The following PTER variants were observed in gnomAD, a reference collection of about 807,000 sequenced individuals.
PTER encodes phosphotriesterase related.
Under a neutral mutation model 29.6 loss-of-function variants are expected in PTER, and 38 were observed. That is an observed-to-expected ratio of 1.28 (90% CI 0.99 to 1.68). The LOEUF (loss-of-function observed/expected upper bound fraction) is 1.68, where lower values mean the gene tolerates loss of function less well. Among genes scored for constraint, PTER ranks in the 40% most tolerant of loss-of-function variants. The probability of loss-of-function intolerance (pLI) is 0.00; values close to 1 mark genes in which losing one functional copy is unlikely to be tolerated. For synonymous variants in PTER, 172 were observed against 154.5 expected (o/e 1.11, Z -0.84); for missense variants, 482 against 427.8 (o/e 1.13, Z -1.12).
At chr10:16,469,241 G>A (rs561326069) in intron 1 of PTER, among the ~76,000 whole-genome samples, 4 of 152,250 alleles carry the variant, frequency 2.6e-5, no homozygotes, top group African/African-American at 4.8e-5. Flanking sequence ...GAGACCTTGC[G>A]ACAGGGGAGA....
chr10:16,484,897 G>T (rs1171707881), intron 2 of PTER, 81 bp downstream of exon 2: 1 of 1,427,620 alleles, frequency 7.0e-7, no homozygotes, highest in East Asian at 2.4e-5. Flanking sequence ...GGGTTCAGAG[G>T]TAGCTGGGCA....
chr10:16,475,607 G>A (rs1323830431), intron 1 of PTER, among the ~76,000 whole-genome samples: 1 of 152,186 alleles, frequency 6.6e-6, no homozygotes, highest in Non-Finnish European at 1.5e-5. Flanking sequence ...GTACAGGGTA[G>A]AAGGGGGCTA....
chr10:16,483,613 C>T (rs749885877), intron 1 of PTER, among the ~76,000 whole-genome samples: 7 of 152,034 alleles, frequency 4.6e-5, no homozygotes, highest in Non-Finnish European at 1.0e-4. Context: ...TTTGGGAGGC[C>T]GAGGCAGGCA....
At chr10:16,514,199 A>C, downstream of PTER, 1 of 398,604 alleles carries the variant, frequency 2.5e-6, no homozygotes. Flanking sequence ...CAGTACACCA[A>C]AGTATCATAT....
rs569612524 is a variant in PTER at position 16,475,764 on chromosome 10, C to T, written c.-48-8573C>T. On this transcript the variant is annotated intron_variant, in intron 1 of 4. Transcript: ENST00000535784. ...TGTAGCTGTAGTCACTTTGGTGCAT[C>T]GTTTCCAAAAACCTAATGAGTTGTG... Among the ~76,000 whole-genome samples the T allele has an allele frequency of 2.0e-5, 3 of 152,290 alleles. No homozygotes were observed. The South Asian group carries it at 6.2e-4, about 32-fold the overall frequency.
At chr10:16,460,711 G>A (rs1038247901) in intron 1 of PTER, among the ~76,000 whole-genome samples, 1 of 152,062 alleles carries the variant, frequency 6.6e-6, no homozygotes, top group Non-Finnish European at 1.5e-5. Flanking sequence ...TAAAGTTGCA[G>A]ATATAAGTCT....
intron 1 of PTER, among the ~76,000 whole-genome samples, chr10:16,482,966 G>A (rs184799189): frequency 1.2e-4 from 19 of 152,182 alleles, no homozygotes; most frequent in African/African-American, 4.3e-4. Flanking sequence ...ATTTTTAGTA[G>A]AGACGGGTTT....
rs72001271 is a variant in PTER at position 16,473,519 on chromosome 10, G to GAAAAAAAAAA, written c.-48-10799_-48-10790dup. Among the ~76,000 whole-genome samples, 29 of 28,168 alleles carry GAAAAAAAAAA rather than the reference G, an allele frequency of 1.0e-3. 4 individuals carry two copies. In the South Asian group the frequency reaches 0.012, roughly 11 times the overall value. The allele number at this position is 28,168 out of a possible 152,430, so 18.5% of individuals were successfully genotyped here. A position where few individuals can be genotyped will look rare whatever the true frequency, so the allele number is the denominator to read the frequency against. On this transcript the variant is annotated intron_variant, in intron 1 of 4. Transcript: ENST00000535784. ...TGGGTGATAGAGTGAGACTCCATCC[G>GAAAAAAAAAA]AAAAAAAAAAAAAAAAAAAAAAAAA... is the stretch of plus-strand genomic sequence containing the variant.
At chr10:16,437,888 T>G (rs1833707338) in intron 1 of PTER, among the ~76,000 whole-genome samples, 1 of 152,212 alleles carries the variant, frequency 6.6e-6, no homozygotes, top group Non-Finnish European at 1.5e-5. Flanking sequence ...CAACAGGAAC[T>G]AAAGGTATAC....
chr10:16,442,055 A>G (rs904145604), intron 1 of PTER, among the ~76,000 whole-genome samples: 19 of 152,136 alleles, frequency 1.2e-4, no homozygotes, highest in African/African-American at 4.3e-4. Flanking sequence ...TAATTGGGTA[A>G]TTATTTGGTG....
At chr10:16,453,654 C>T (rs1206043988) in intron 1 of PTER, among the ~76,000 whole-genome samples, 1 of 152,122 alleles carries the variant, frequency 6.6e-6, no homozygotes, top group Non-Finnish European at 1.5e-5. Flanking sequence ...AAAGTAAATA[C>T]TGGAATATGG....
intron 1 of PTER, among the ~76,000 whole-genome samples, chr10:16,482,537 A>G (rs1307092420): frequency 2.0e-5 from 3 of 152,166 alleles, no homozygotes; most frequent in Admixed American, 1.3e-4. Flanking sequence ...GTGCTTCGTT[A>G]TTTTAATTTA....
chr10:16,507,683 A>G (rs1588633828), intron 4 of PTER, among the ~76,000 whole-genome samples: 2 of 152,226 alleles, frequency 1.3e-5, no homozygotes, highest in Admixed American at 1.3e-4. Context: ...AGGGAAAGCT[A>G]GTTAATCAGT....
At chr10:16,438,319 C>G (rs1282712106) in intron 1 of PTER, among the ~76,000 whole-genome samples, 1 of 149,956 alleles carries the variant, frequency 6.7e-6, no homozygotes, top group African/African-American at 2.5e-5. Context: ...CTTTTTAAGA[C>G]TAGGTCTCAT....
rs980038186 is a variant in PTER, at chr10:16,511,312, G to C, written c.*56G>C. The stretch of plus-strand genomic sequence containing the variant: ...ATAAAACTTGCAGAGAACATTCAGC[G>C]ATTTCCAGTCCACTGTGAGATATTA... On this transcript the variant is annotated 3_prime_UTR_variant, in exon 5 of 5. Transcript: ENST00000535784. The C allele has an allele frequency of 2.8e-5, 40 of 1,449,160 alleles. No homozygotes were observed. The highest frequency in any genetic ancestry group is 2.6e-5 in the Non-Finnish European group (27 of 1,034,394). The allele number at this position is 1,449,160 out of a possible 1,614,324, so 89.8% of individuals were successfully genotyped here. A position where few individuals can be genotyped will look rare whatever the true frequency, so the allele number is the denominator to read the frequency against.
intron 3 of PTER, among the ~76,000 whole-genome samples, chr10:16,494,443 G>C (rs1251538469): frequency 6.6e-6 from 1 of 152,130 alleles, no homozygotes; most frequent in Non-Finnish European, 1.5e-5. Flanking sequence ...GTGATGGGGG[G>C]AGATGCTTGT....
At chr10:16,492,587 C>G (rs1331440905) in intron 3 of PTER, among the ~76,000 whole-genome samples, 2 of 152,154 alleles carry the variant, frequency 1.3e-5, no homozygotes, top group East Asian at 3.9e-4. Flanking sequence ...CCAATGAAAG[C>G]TGAGTAAAAC....
At chr10:16,455,190 C>T in intron 1 of PTER, among the ~76,000 whole-genome samples, 1 of 152,022 alleles carries the variant, frequency 6.6e-6, no homozygotes, top group Non-Finnish European at 1.5e-5. Context: ...AATCATGCCA[C>T]TTTACTCCAG....
At chr10:16,468,954 G>A (rs1834945248) in intron 1 of PTER, among the ~76,000 whole-genome samples, 1 of 151,758 alleles carries the variant, frequency 6.6e-6, no homozygotes. Context: ...CAGCCTGGGT[G>A]ACAGAGTGAG....
Sources: allele counts gnomAD v4.1 joint callset (sites outside exome capture counted in the v4.1 genomes callset), GRCh38; gene constraint gnomAD v4.1.1; transcripts MANE v1.5; gene names NCBI Gene and HGNC (gene_info 2026-07-23, HGNC 2026-07-21).